Variants in PFDN1 observed in about 807,000 individuals in gnomAD.
PFDN1 encodes the protein prefoldin 1.
Under a neutral mutation model 17.3 loss-of-function variants are expected in PFDN1, and 6 were observed. The ratio of observed to expected loss-of-function variants is 0.35; its 90% CI spans 0.19 to 0.69. PFDN1 has a LOEUF of 0.69. Ranked by LOEUF, PFDN1 falls within the 30% of genes least tolerant of loss-of-function variation. The pLI is 0.65. For synonymous variants in PFDN1, 58 were observed against 50.1 expected, an observed-to-expected ratio of 1.16 and a Z score of -0.67; for missense variants, 113 against 146.2, an observed-to-expected ratio of 0.77 and a Z score of 1.17.
In PFDN1 at chr5:140,261,111, G is replaced by A. The variant is rs143270907; in HGVS notation, c.286-15054C>T. Among the ~76,000 whole-genome samples, 957 of 138,430 alleles carry A rather than the reference G, an allele frequency of 6.9e-3. 6 individuals carry two copies. The highest frequency in any genetic ancestry group is 0.024 in the African/African-American group (890 of 36,584). The allele number at this position is 138,430 out of a possible 152,430, so 90.8% of individuals were successfully genotyped here. A position where few individuals can be genotyped will look rare whatever the true frequency, so the allele number is the denominator to read the frequency against. On this transcript the variant is annotated intron_variant, in intron 3 of 3. Transcript: ENST00000261813. ...CAGGAGGCGGAAGTTACAATGAGCC[G>A]AGATCACACCACTGCACTCCAGCCT...
At chr5:140,273,258 A>G (rs1765236686) in intron 3 of PFDN1, among the ~76,000 whole-genome samples, 2 of 152,148 alleles carry the variant, frequency 1.3e-5, no homozygotes, top group South Asian at 4.2e-4. Flanking sequence ...AAAAAAAAAA[A>G]AAAGAGAAAA....
intron 3 of PFDN1, among the ~76,000 whole-genome samples, chr5:140,280,017 A>AAAAAAAT: frequency 6.9e-6 from 1 of 145,628 alleles, no homozygotes; most frequent in African/African-American, 2.5e-5. Context: ...AAAAAAACAA[A>AAAAAAAT]AAAAGAAAAG....
chr5:140,290,390 T>A (rs975230648), intron 2 of PFDN1, among the ~76,000 whole-genome samples: 2 of 152,302 alleles, frequency 1.3e-5, no homozygotes, highest in East Asian at 3.9e-4. Flanking sequence ...ATCCCTGGAA[T>A]TCCTGTAGCC....
intron 2 of PFDN1, among the ~76,000 whole-genome samples, chr5:140,284,769 T>C (rs1044249941): frequency 2.0e-5 from 3 of 152,174 alleles, no homozygotes; most frequent in African/African-American, 7.2e-5. Context: ...TGAATTCGAG[T>C]TGATGCTTTG....
rs567006221 is a variant in PFDN1 at position 140,290,672 on chromosome 5, T to C, written c.201-9139A>G. ...GAGCCAGGATTAAGGAAGGAGAGGA[T>C]TCAGTTGAAAGAAGCAAGAAAGAAA... On this transcript the variant is annotated intron_variant, in intron 2 of 3. Coordinates refer to ENST00000261813, the MANE Select transcript of PFDN1 (RefSeq NM_002622.5). Among the ~76,000 whole-genome samples, 5 of 152,282 alleles carry C rather than the reference T, an allele frequency of 3.3e-5. No homozygotes were observed. In the East Asian group the frequency reaches 9.6e-4, roughly 29 times the overall value.
chr5:140,294,598 C>G (rs1417171606), intron 2 of PFDN1, among the ~76,000 whole-genome samples: 1 of 151,924 alleles, frequency 6.6e-6, no homozygotes, highest in African/African-American at 2.4e-5. Flanking sequence ...ACAACAAAAC[C>G]AACATAACAT....
In PFDN1 at chr5:140,245,765, G is replaced by A. The variant is rs1458393894; in HGVS notation, c.*209C>T. Reference sequence around the variant, plus strand: ...ATCACACATCCCGAGAGGGAAGAGTGTCCTGGGCAGAGGTGGCAGGCAAAG... The same window carrying A: ...ATCACACATCCCGAGAGGGAAGAGTATCCTGGGCAGAGGTGGCAGGCAAAG... On this transcript the variant is annotated 3_prime_UTR_variant, in exon 4 of 4. Coordinates refer to ENST00000261813, the MANE Select transcript of PFDN1 (RefSeq NM_002622.5). 3 of 612,958 alleles carry A rather than the reference G, an allele frequency of 4.9e-6. No homozygotes were observed. In the South Asian group the frequency reaches 5.8e-5, roughly 12 times the overall value. 38.0% of individuals were successfully genotyped at this position (612,958 alleles called of 1,614,324 possible).
intron 3 of PFDN1, among the ~76,000 whole-genome samples, chr5:140,249,180 T>C (rs1764876964): frequency 6.6e-6 from 1 of 152,214 alleles, no homozygotes; most frequent in Non-Finnish European, 1.5e-5. Context: ...CAAAAAGATA[T>C]GCTGAAGTTC....
intron 3 of PFDN1, among the ~76,000 whole-genome samples, chr5:140,276,066 A>G (rs1292467196): frequency 6.6e-6 from 1 of 151,894 alleles, no homozygotes; most frequent in Non-Finnish European, 1.5e-5. Context: ...GATGATAATT[A>G]CAGAGGATTA....
chr5:140,276,810 G>A (rs1765302110), intron 3 of PFDN1, among the ~76,000 whole-genome samples: 1 of 138,696 alleles, frequency 7.2e-6, no homozygotes, highest in Non-Finnish European at 1.6e-5. Flanking sequence ...AAAAAAGACT[G>A]AGAGTATTTT....
At position 140,245,472 on chromosome 5, in the gene PFDN1, GC is replaced by G. The variant is rs1764815378; in HGVS notation, c.*501del. On this transcript the variant is annotated 3_prime_UTR_variant, in exon 4 of 4. Transcript: ENST00000261813. ...TACTGCATGCAGGCCCGGAAGCTGA[GC>G]GTTAGTCAAAGGTACAGGAAGGGAA... The G allele has an allele frequency of 1.4e-6, 1 of 702,610 alleles. No homozygotes were observed. The highest frequency in any genetic ancestry group is 2.7e-5 in the East Asian group (1 of 37,286). The allele number at this position is 702,610 out of a possible 1,614,324, so 43.5% of individuals were successfully genotyped here.
In PFDN1 at chr5:140,245,358, G is replaced by A. The variant is rs1764813065; in HGVS notation, c.*616C>T. On this transcript the variant is annotated 3_prime_UTR_variant, in exon 4 of 4. Coordinates refer to ENST00000261813, the MANE Select transcript of PFDN1 (RefSeq NM_002622.5). ...GAATGTATGGGAGAAGGCAGGGAAA[G>A]GAATCTTTAGGCAGACTGCCATCCA... is the stretch of plus-strand genomic sequence containing the variant. 1 of 664,252 alleles carries A rather than the reference G, an allele frequency of 1.5e-6. No homozygotes were observed. Among genetic ancestry groups the A allele is most frequent in the Admixed American group, 2.2e-5 (1 of 46,176 alleles). 41.1% of individuals were successfully genotyped at this position (664,252 alleles called of 1,614,324 possible). A position where few individuals can be genotyped will look rare whatever the true frequency, so the allele number is the denominator to read the frequency against.
chr5:140,290,989 A>G (rs1173980961), intron 2 of PFDN1, among the ~76,000 whole-genome samples: 1 of 152,170 alleles, frequency 6.6e-6, no homozygotes, highest in African/African-American at 2.4e-5. Context: ...TTTAAATAGG[A>G]TGGTCATGAA....
At chr5:140,252,403 G>C (rs916953596) in intron 3 of PFDN1, among the ~76,000 whole-genome samples, 1 of 152,034 alleles carries the variant, frequency 6.6e-6, no homozygotes, top group Non-Finnish European at 1.5e-5. Flanking sequence ...CCCTCTGCTG[G>C]GAGTCACGGT....
intron 2 of PFDN1, among the ~76,000 whole-genome samples, chr5:140,296,696 A>G (rs1408551788): frequency 6.6e-6 from 1 of 152,242 alleles, no homozygotes; most frequent in African/African-American, 2.4e-5. Context: ...TAGGATAACA[A>G]TTTCTAGTAC....
intron 3 of PFDN1, among the ~76,000 whole-genome samples, chr5:140,276,906 C>T (rs1462329151): frequency 6.6e-6 from 1 of 151,382 alleles, no homozygotes; most frequent in Non-Finnish European, 1.5e-5. Context: ...CTTTAAAGGC[C>T]TTCAAGGTAT....
intron 3 of PFDN1, among the ~76,000 whole-genome samples, chr5:140,273,229 A>G (rs1765236039): frequency 6.6e-6 from 1 of 150,512 alleles, no homozygotes; most frequent in South Asian, 2.1e-4. Context: ...TGGGCAACAG[A>G]GCAAGACTCC....
chr5:140,297,788 G>A (rs562172914), intron 2 of PFDN1, among the ~76,000 whole-genome samples: 5 of 152,164 alleles, frequency 3.3e-5, no homozygotes, highest in Admixed American at 2.6e-4. Flanking sequence ...TCTGCAGAAC[G>A]TTTAATAAAT....
At chr5:140,298,910 C>A (rs1433762954) in intron 2 of PFDN1, among the ~76,000 whole-genome samples, 5 of 152,034 alleles carry the variant, frequency 3.3e-5, no homozygotes, top group Non-Finnish European at 7.4e-5. Context: ...GCCACCATGC[C>A]TCGCTAATTT....
Sources: allele counts gnomAD v4.1 joint callset (sites outside exome capture counted in the v4.1 genomes callset), GRCh38; gene constraint gnomAD v4.1.1; transcripts MANE v1.5; gene names NCBI Gene and HGNC (gene_info 2026-07-23, HGNC 2026-07-21).